The following AXIN2 variants were observed in gnomAD, a reference collection of about 807,000 sequenced individuals.
AXIN2 encodes the protein axin 2.
AXIN2 carries 21 observed loss-of-function variants against 74.7 expected under a neutral mutation model. The observed-to-expected ratio is 0.28, with a 90% CI of 0.20 to 0.40. AXIN2 has a LOEUF of 0.40. AXIN2 is among the 10% of genes least tolerant of loss of function. The probability of loss-of-function intolerance (pLI) is 1.00; values close to 1 mark genes in which losing one functional copy is unlikely to be tolerated. For synonymous variants in AXIN2, 532 were observed against 454.9 expected (o/e 1.17, Z -2.16); for missense variants, 1,144 against 1,111.1 (o/e 1.03, Z -0.42).
Position 65,530,151 on chromosome 17 carries a change from T to C in AXIN2, c.2406-49A>G, listed in dbSNP as rs760429403. On this transcript the variant is annotated intron_variant, in intron 10 of 10. Coordinates refer to ENST00000307078, the MANE Select transcript of AXIN2 (RefSeq NM_004655.4). Reference sequence around the variant, plus strand: ...TTCTTGGTAAACTGCATTTTCCACATTGTTGAAAAGAAAAGCATACCAACA... The same window carrying C: ...TTCTTGGTAAACTGCATTTTCCACACTGTTGAAAAGAAAAGCATACCAACA... The C allele has an allele frequency of 6.2e-6, 10 of 1,610,440 alleles. No individual in the cohort carries two copies. The East Asian group carries it at 2.0e-4, about 32-fold the overall frequency.
chr17:65,538,397 G>A (rs1184233783), intron 4 of AXIN2, 54 bp from the exon 5 acceptor site: 16 of 1,608,812 alleles, frequency 9.9e-6, no homozygotes, highest in South Asian at 5.5e-5. Context: ...CTAGGTGGGC[G>A]GTGGCTTGGC....
rs1598099711 is a variant in AXIN2 at position 65,537,805 on chromosome 17, G to A, written c.1231C>T (p.Leu411Phe). Residue 411 changes from leucine (L) to phenylalanine (F), a missense_variant, in exon 6 of 11, where the codon CTC becomes TTC. Physicochemically the swap from Leu to Phe is conservative, Grantham distance 22. This residue lies in a region of AXIN2 where 1,053 missense variants were observed against 973.5 expected (regional missense o/e 1.08). Transcript: ENST00000307078. ...DEEREGSELT[L>F]NSREGAPTQH... ...GTGGGCGCCCCCTCCCGCGAATTGA[G>A]TGTGAGCTCGGAGCCCTCTCTCTCT... The A allele has an allele frequency of 6.3e-7, 1 of 1,583,194 alleles. No individual in the cohort carries two copies. Among genetic ancestry groups the A allele is most frequent in the Non-Finnish European group, 8.6e-7 (1 of 1,165,648 alleles).
At chr17:65,549,474 C>T (rs2044161209) in intron 3 of AXIN2, 46 bp downstream of exon 3, 1 of 1,609,080 alleles carries the variant, frequency 6.2e-7, no homozygotes, top group African/African-American at 1.3e-5. Flanking sequence ...GCTCAGGTGG[C>T]ATCCACTCCC....
chr17:65,538,107 C>CA (rs770140655), intron 5 of AXIN2, 96 bp downstream of exon 5: 1 of 1,591,482 alleles, frequency 6.3e-7, no homozygotes, highest in Non-Finnish European at 8.5e-7. Context: ...AACCCACGCA[C>CA]ATGCGCACAC....
At chr17:65,555,051 GA>G (rs1410587641) in intron 2 of AXIN2, among the ~76,000 whole-genome samples, 21 of 152,098 alleles carry the variant, frequency 1.4e-4, no homozygotes, top group Non-Finnish European at 2.6e-4. Flanking sequence ...GCCCTCTGAG[GA>G]TAATTCCTGC....
rs780801809 is a variant in AXIN2, at chr17:65,558,017, T to G, written c.604A>C (p.Ser202Arg). 6.2e-7 allele frequency: 1 copy of G among 1,614,068 alleles called. No individual in the cohort carries two copies. Among genetic ancestry groups the G allele is most frequent in the African/African-American group, 1.3e-5 (1 of 74,930 alleles). ...ATGTAAGCTGTGTTTTCTCCCCCACTCCTCACATATTCGAGGTATATATCA... is the reference window on the plus strand; with the variant it reads ...ATGTAAGCTGTGTTTTCTCCCCCACGCCTCACATATTCGAGGTATATATCA... The part of the protein sequence containing the change: ...TSDIYLEYVR[S>R]GGENTAYMSN... Residue 202 changes from serine to arginine, a missense_variant, in exon 2 of 11, where the codon AGT becomes CGT. Coordinates refer to ENST00000307078, the MANE Select transcript of AXIN2 (RefSeq NM_004655.4).
intron 8 of AXIN2, 24 bp from the exon 9 acceptor site, chr17:65,535,745 G>T: frequency 6.3e-7 from 1 of 1,597,680 alleles, no homozygotes; most frequent in African/African-American, 1.3e-5. Flanking sequence ...CAGGGCGAGG[G>T]ATTTAGAGGT....
chr17:65,529,987 G>T lies in AXIN2; in HGVS notation c.2521C>A (p.Arg841=). 6.2e-7 allele frequency: 1 copy of T among 1,614,104 alleles called. No individual in the cohort carries two copies. The highest frequency in any genetic ancestry group is 8.5e-7 in the Non-Finnish European group (1 of 1,180,020). Residue 841 remains arginine, a synonymous_variant, in exon 11 of 11, where the codon CGG becomes AGG. Coordinates refer to ENST00000307078, the MANE Select transcript of AXIN2 (RefSeq NM_004655.4). ...CCAGACCCCAGGGCTCAATCGATCC[G>T]CTCCACTTTGCCCAGAATCCGGCCT... ...YEGRILGKVE[R]ID is the part of the protein sequence containing the mutation.
intron 3 of AXIN2, among the ~76,000 whole-genome samples, chr17:65,544,496 G>A (rs2044089732): frequency 6.6e-6 from 1 of 151,774 alleles, no homozygotes; most frequent in African/African-American, 2.4e-5. Context: ...TAGAGGCTCA[G>A]AAAGGCTTAA....
intron 2 of AXIN2, among the ~76,000 whole-genome samples, chr17:65,555,123 C>T (rs916715065): frequency 1.1e-4 from 16 of 152,150 alleles, no homozygotes; most frequent in African/African-American, 3.9e-4. Context: ...ACAAACAAGT[C>T]GTTAAAAACG....
intron 4 of AXIN2, among the ~76,000 whole-genome samples, chr17:65,538,550 C>T (rs1229102021): frequency 6.6e-6 from 1 of 151,876 alleles, no homozygotes; most frequent in Middle Eastern, 3.2e-3. Flanking sequence ...CAGCGTTTGC[C>T]TTGGGCAGGA....
intron 2 of AXIN2, among the ~76,000 whole-genome samples, chr17:65,551,642 A>C (rs1273979112): frequency 6.6e-6 from 1 of 152,174 alleles, no homozygotes; most frequent in Non-Finnish European, 1.5e-5. Flanking sequence ...ATGGAAAAGA[A>C]GGTAGGAGAG....
Position 65,549,646 on chromosome 17 carries a change from C to T in AXIN2, c.830G>A (p.Ser277Asn), listed in dbSNP as rs763027598. 23 of 1,601,262 alleles carry T rather than the reference C, an allele frequency of 1.4e-5. No homozygotes were observed. The South Asian group carries it at 2.6e-4, about 18-fold the overall frequency. Residue 277 changes from serine to asparagine, a missense_variant, in exon 3 of 11, where the codon AGC (serine) becomes AAC (asparagine). Transcript: ENST00000307078. Reference sequence around the variant, plus strand: ...TATGTGATAAGGATTAACAGGATCGCTCCTCTTGAAGGACCTATGGGCAAA... The same window carrying T: ...TATGTGATAAGGATTAACAGGATCGTTCCTCTTGAAGGACCTATGGGCAAA... ...VDSGYRSFKR[S>N]DPVNPYHIGS... is the part of the protein sequence containing the mutation.
rs1407715762 is a variant in AXIN2 at position 65,557,786 on chromosome 17, C to A, written c.815+20G>T. The stretch of plus-strand genomic sequence containing the variant: ...GCAAAGTCCACAGCATCAGCCCACC[C>A]GCCCCCGTCAAAGTCTTACCTGTAT... On this transcript the variant is annotated intron_variant, in intron 2 of 10. Transcript: ENST00000307078. 29 of 1,612,734 alleles carry A rather than the reference C, an allele frequency of 1.8e-5. No homozygotes were observed. The highest frequency in any genetic ancestry group is 2.3e-5 in the Non-Finnish European group (27 of 1,178,870).
chr17:65,539,843 G>T (rs1313310962), intron 4 of AXIN2, among the ~76,000 whole-genome samples: 1 of 152,158 alleles, frequency 6.6e-6, no homozygotes, highest in Non-Finnish European at 1.5e-5. Context: ...TTGCAACCTG[G>T]ATCTGAGGCT....
At position 65,529,488 on chromosome 17, in the gene AXIN2, CACTCCTAGCTCA is replaced by C. The variant is rs548756747; in HGVS notation, c.*476_*487del. 4.5e-3 allele frequency: 1,295 copies of C among 289,820 alleles called. 8 individuals carry two copies. The highest frequency in any genetic ancestry group is 6.2e-3 in the Middle Eastern group (6 of 966). 18.0% of individuals were successfully genotyped at this position (289,820 alleles called of 1,614,324 possible). A position where few individuals can be genotyped will look rare whatever the true frequency, so the allele number is the denominator to read the frequency against. On this transcript the variant is annotated 3_prime_UTR_variant, in exon 11 of 11. Coordinates refer to ENST00000307078, the MANE Select transcript of AXIN2 (RefSeq NM_004655.4). Reference sequence around the variant, plus strand: ...TCTGTTAGTGAAGAAACCATGAACGCACTCCTAGCTCAACTCCTAAGTTTAGTCAGAACAATT... The same window carrying C: ...TCTGTTAGTGAAGAAACCATGAACGCACTCCTAAGTTTAGTCAGAACAATT...
At chr17:65,534,391 G>A (rs2043874656) in intron 9 of AXIN2, among the ~76,000 whole-genome samples, 1 of 152,220 alleles carries the variant, frequency 6.6e-6, no homozygotes. Flanking sequence ...TTTCAGGCTG[G>A]CATAAATGGG....
intron 5 of AXIN2, 147 bp from the exon 6 acceptor site, chr17:65,537,982 G>A (rs1292472887): frequency 7.6e-6 from 10 of 1,324,094 alleles, no homozygotes; most frequent in South Asian, 2.8e-5. Context: ...GCACAGGCCC[G>A]CCTACACAAG....
In AXIN2 at chr17:65,535,702, G is replaced by A; in HGVS notation, c.2161C>T (p.Gln721Ter). ...PKQRCCVASQ[Q>*]RDRNHSATVQ... ...GTGGCCGAATGATTCCTGTCCCTCTGCTGACTGGCCACACAGCACCTGAGG... is the reference window on the plus strand; with the variant it reads ...GTGGCCGAATGATTCCTGTCCCTCTACTGACTGGCCACACAGCACCTGAGG... Residue 721 changes from glutamine (Q) to a stop codon, truncating the protein, a stop_gained, in exon 9 of 11, where the codon CAG becomes TAG. Coordinates refer to ENST00000307078, the MANE Select transcript of AXIN2 (RefSeq NM_004655.4). LOFTEE classifies it high-confidence loss of function. The A allele has an allele frequency of 6.2e-7, 1 of 1,614,148 alleles. No individual in the cohort carries two copies. Among genetic ancestry groups the A allele is most frequent in the Non-Finnish European group, 8.5e-7 (1 of 1,180,002 alleles).
Sources: allele counts gnomAD v4.1 joint callset (sites outside exome capture counted in the v4.1 genomes callset), GRCh38; gene constraint gnomAD v4.1.1; regional missense constraint gnomAD v4.1.1; transcripts MANE v1.5; gene names NCBI Gene and HGNC (gene_info 2026-07-23, HGNC 2026-07-21).